The following GALNS variants were observed in gnomAD, a reference collection of about 807,000 sequenced individuals.
GALNS encodes galactosamine (N-acetyl)-6-sulfatase.
In GALNS, 65 loss-of-function variants were observed where a neutral mutation model predicts 65.9. The observed-to-expected ratio is 0.99, with a 90% CI of 0.81 to 1.21. The LOEUF (loss-of-function observed/expected upper bound fraction) is 1.21. GALNS is among the 50% of genes most tolerant of loss of function. The pLI is 0.00. For missense variants in GALNS, 776 were observed against 700.7 expected (o/e 1.11, Z -1.21); for synonymous variants, 346 against 288.9 (o/e 1.20, Z -2.00).
At chr16:88,850,834 C>T (rs949532192) in intron 1 of GALNS, among the ~76,000 whole-genome samples, 6 of 152,230 alleles carry the variant, frequency 3.9e-5, no homozygotes, top group Non-Finnish European at 7.3e-5. Context: ...TGGCATGTGC[C>T]GAGACTCTTT....
chr16:88,832,829 A>T (rs976548352), intron 8 of GALNS, among the ~76,000 whole-genome samples: 1 of 152,176 alleles, frequency 6.6e-6, no homozygotes, highest in Non-Finnish European at 1.5e-5. Context: ...GGGAGGCCGA[A>T]GCAGGGGGAC....
chr16:88,832,471 A>C (rs991525940), intron 8 of GALNS, among the ~76,000 whole-genome samples: 3 of 152,282 alleles, frequency 2.0e-5, no homozygotes, highest in Non-Finnish European at 4.4e-5. Context: ...TGGGGTACTT[A>C]AAATGCAGCC....
At chr16:88,846,508 GCTTT>G (rs1967250750) in intron 1 of GALNS, among the ~76,000 whole-genome samples, 2 of 140,820 alleles carry the variant, frequency 1.4e-5, no homozygotes, top group Non-Finnish European at 3.1e-5. Flanking sequence ...TGCGTTTCTG[GCTTT>G]TTTTTTTTTT....
chr16:88,856,381 T>G, intron 1 of GALNS: 1 of 701,568 alleles, frequency 1.4e-6, no homozygotes, highest in Non-Finnish European at 2.6e-6. Context: ...CGCGCCCACC[T>G]TTCCCAAGAG....
At chr16:88,853,879 C>T (rs758440122) in intron 1 of GALNS, among the ~76,000 whole-genome samples, 3 of 152,332 alleles carry the variant, frequency 2.0e-5, no homozygotes, top group Admixed American at 1.3e-4. Flanking sequence ...GCTGCTCTCA[C>T]CCCTGAGTCC....
chr16:88,829,139 G>A (rs563961042), intron 9 of GALNS, among the ~76,000 whole-genome samples: 1 of 151,052 alleles, frequency 6.6e-6, no homozygotes, highest in Admixed American at 6.6e-5. Context: ...AGAGCTACGC[G>A]GGTCCCGAGT....
intron 1 of GALNS, among the ~76,000 whole-genome samples, chr16:88,851,486 G>A (rs999847593): frequency 1.3e-5 from 2 of 152,212 alleles, no homozygotes; most frequent in African/African-American, 2.4e-5. Flanking sequence ...TGAGGTGCCT[G>A]GTTCATCCTA....
chr16:88,835,121 C>A, intron 8 of GALNS, 92 bp downstream of exon 8: 3 of 1,501,302 alleles, frequency 2.0e-6, no homozygotes, highest in Non-Finnish European at 2.7e-6. Flanking sequence ...ATGCTCTGCC[C>A]ACCACAGACC....
Position 88,822,670 on chromosome 16 carries a change from G to C in GALNS, c.1283C>G (p.Thr428Arg). The C allele has an allele frequency of 6.2e-7, 1 of 1,613,192 alleles. No individual in the cohort carries two copies. Among genetic ancestry groups the C allele is most frequent in the Non-Finnish European group, 8.5e-7 (1 of 1,179,844 alleles). Residue 428 changes from threonine to arginine, a missense_variant, in exon 12 of 14, where the codon ACA (threonine) becomes AGA (arginine). Coordinates refer to ENST00000268695, the MANE Select transcript of GALNS (RefSeq NM_000512.5). ...FCPGQNVSGV[T>R]THNLEDHTKL... ...CGTGTGGTCTTCCAGATTGTGAGTT[G>C]TGACCCCTGAAACGTTCTGCCCAGG... is the stretch of plus-strand genomic sequence containing the variant.
chr16:88,820,408 C>T (rs569634248), intron 12 of GALNS, among the ~76,000 whole-genome samples: 1 of 152,220 alleles, frequency 6.6e-6, no homozygotes, highest in Non-Finnish European at 1.5e-5. Context: ...GGATTACAGG[C>T]ATGAACCATG....
At position 88,822,661 on chromosome 16, in the gene GALNS, TTG is replaced by T. The variant is rs2142992359; in HGVS notation, c.1290_1291del (p.His430GlnfsTer72). ...GGGCAGCTTCGTGTGGTCTTCCAGATTGTGAGTTGTGACCCCTGAAACGTTCT... is the reference window on the plus strand; with the variant it reads ...GGGCAGCTTCGTGTGGTCTTCCAGATTGAGTTGTGACCCCTGAAACGTTCT... On this transcript the variant is annotated frameshift_variant, in exon 12 of 14. Transcript: ENST00000268695. LOFTEE classifies it high-confidence loss of function. The T allele has an allele frequency of 1.2e-6, 2 of 1,612,990 alleles. No individual in the cohort carries two copies. The highest frequency in any genetic ancestry group is 2.2e-5 in the East Asian group (1 of 44,848).
At chr16:88,820,285 C>T (rs995829906) in intron 12 of GALNS, among the ~76,000 whole-genome samples, 1 of 152,118 alleles carries the variant, frequency 6.6e-6, no homozygotes, top group Non-Finnish European at 1.5e-5. Flanking sequence ...CCGACCAACA[C>T]ATCCAGCTAA....
At position 88,824,943 on chromosome 16, in the gene GALNS, G is replaced by A. The variant is rs186207718; in HGVS notation, c.1140-74C>T. 7.6e-4 allele frequency: 927 copies of A among 1,221,780 alleles called. 11 individuals are homozygous for A. The African/African-American group carries it at 0.011, about 15-fold the overall frequency. The allele number at this position is 1,221,780 out of a possible 1,614,324, so 75.7% of individuals were successfully genotyped here. A position where few individuals can be genotyped will look rare whatever the true frequency, so the allele number is the denominator to read the frequency against. ...GGGCCACCTGGAGGCTCTGGGCTGC[G>A]TCTGTCATCAGTGGCTCATGCCTCC... is the stretch of plus-strand genomic sequence containing the variant. On this transcript the variant is annotated intron_variant, in intron 10 of 13. Transcript: ENST00000268695.
chr16:88,837,683 G>A lies in GALNS; in HGVS notation c.505C>T (p.Pro169Ser), dbSNP rs1194378539. ...WFGSPNCHFG[P>S]YDNKARPNIP... ...TTGGGCCTGGCCTTGTTGTCATAAG[G>A]TCCAAAGTGGCAGTTGGGGGATCCA... is the stretch of plus-strand genomic sequence containing the variant. Residue 169 changes from proline (P) to serine (S), a missense_variant, in exon 5 of 14, where the codon CCT becomes TCT. Pro to Ser is a moderately conservative substitution (Grantham distance 74). Transcript: ENST00000268695. 2 of 1,614,068 alleles carry A rather than the reference G, an allele frequency of 1.2e-6. No individual in the cohort carries two copies. Among genetic ancestry groups the A allele is most frequent in the South Asian group, 1.1e-5 (1 of 91,080 alleles).
At chr16:88,819,029 A>C (rs1008215566) in intron 12 of GALNS, among the ~76,000 whole-genome samples, 1 of 152,230 alleles carries the variant, frequency 6.6e-6, no homozygotes, top group South Asian at 2.1e-4. Flanking sequence ...GTCCAGGCCC[A>C]GTACCTTCTG....
intron 4 of GALNS, among the ~76,000 whole-genome samples, chr16:88,839,126 C>T (rs553866761): frequency 5.3e-5 from 8 of 151,180 alleles, no homozygotes; most frequent in African/African-American, 1.5e-4. Context: ...CGCAGGTCAC[C>T]GCCCAACCAC....
intron 8 of GALNS, among the ~76,000 whole-genome samples, chr16:88,834,234 A>G (rs1911825772): frequency 2.0e-5 from 3 of 152,332 alleles, no homozygotes; most frequent in East Asian, 3.9e-4. Context: ...GCTGGTTTCT[A>G]TCACTTGAAA....
At chr16:88,855,835 T>C (rs1967812660) in intron 1 of GALNS, 2 of 501,686 alleles carry the variant, frequency 4.0e-6, no homozygotes. Context: ...TGTCAGGGTC[T>C]CTGCTGGTCG....
chr16:88,828,349 C>T (rs978230919), intron 9 of GALNS, among the ~76,000 whole-genome samples: 2 of 152,240 alleles, frequency 1.3e-5, no homozygotes, highest in African/African-American at 2.4e-5. Flanking sequence ...CTCCAGGCAG[C>T]GATGCCTTCC....
Sources: gnomAD v4.1 joint callset for allele counts (sites outside exome capture counted in the v4.1 genomes callset) on GRCh38, gnomAD v4.1.1 for gene constraint, MANE v1.5 for transcripts, NCBI Gene and HGNC (gene_info 2026-07-23, HGNC 2026-07-21) for gene names.